PLAGL1: variants seen among roughly 807,000 people sequenced by gnomAD.
The protein encoded by PLAGL1 is PLAG1 like zinc finger 1.
A neutral mutation model predicts 4.6 loss-of-function variants in PLAGL1; 1 was observed. The ratio of observed to expected loss-of-function variants is 0.22; its 90% CI spans 0.08 to 1.03. The LOEUF (loss-of-function observed/expected upper bound fraction) is 1.03. PLAGL1 is among the 50% of genes least tolerant of loss of function. PLAGL1 has a pLI of 0.58. For missense variants in PLAGL1, 464 were observed against 570.4 expected (o/e 0.81, Z 1.90); for synonymous variants, 240 against 237.8 (o/e 1.01, Z -0.08).
chr6:144,017,215 G>A (rs549732719), intron 1 of PLAGL1, among the ~76,000 whole-genome samples: 120 of 151,552 alleles, frequency 7.9e-4, no homozygotes, highest in Non-Finnish European at 1.5e-3. Context: ...TTTTTAAAGC[G>A]CATCGCTTCT....
chr6:144,031,781 T>C (rs960522262), intron 1 of PLAGL1, among the ~76,000 whole-genome samples: 2 of 152,210 alleles, frequency 1.3e-5, no homozygotes, highest in African/African-American at 2.4e-5. Context: ...CGTTGGGTAA[T>C]GTGATGTCTC....
rs754196674 is a variant in PLAGL1 at position 143,955,054 on chromosome 6, T to C, written c.-325+5415A>G. Among the ~76,000 whole-genome samples the C allele has an allele frequency of 1.3e-5, 2 of 152,184 alleles. No individual in the cohort carries two copies. The highest frequency in any genetic ancestry group is 4.8e-5 in the African/African-American group (2 of 41,442). Reference sequence around the variant, plus strand: ...AAAGATGTGTTTCCTCAGGAATGAATGGACAGAATACAATTACATTGCTCT... The same window carrying C: ...AAAGATGTGTTTCCTCAGGAATGAACGGACAGAATACAATTACATTGCTCT... On this transcript the variant is annotated intron_variant, in intron 6 of 7. Transcript: ENST00000674357. This position sits in a 1 kb window ranked among gnomAD's most constrained non-coding sequence, Gnocchi z 4.9.
Position 143,949,081 on chromosome 6 carries a change from A to G in PLAGL1, c.-324-621T>C, listed in dbSNP as rs1780453994. Among the ~76,000 whole-genome samples, 1 of 152,228 alleles carries G rather than the reference A, an allele frequency of 6.6e-6. No individual in the cohort carries two copies. Reference sequence around the variant, plus strand: ...GGTGGCACAAAGCTGATAGCTCAGGAACCAGCCCAGGCCACGTTCAGATTT... The same window carrying G: ...GGTGGCACAAAGCTGATAGCTCAGGGACCAGCCCAGGCCACGTTCAGATTT... On this transcript the variant is annotated intron_variant, in intron 6 of 7. Transcript: ENST00000674357. This position sits in a 1 kb window ranked among gnomAD's most constrained non-coding sequence, Gnocchi z 5.3.
rs1295541430 is a variant in PLAGL1 at position 143,940,440 on chromosome 6, A to ATAGT, written c.*980_*983dup. 6.6e-6 allele frequency: 1 copy of ATAGT among 152,260 alleles called. No individual in the cohort carries two copies. Among genetic ancestry groups the ATAGT allele is most frequent in the Non-Finnish European group, 1.5e-5 (1 of 68,040 alleles). 9.4% of individuals were successfully genotyped at this position (152,260 alleles called of 1,614,324 possible). A position where few individuals can be genotyped will look rare whatever the true frequency, so the allele number is the denominator to read the frequency against. On this transcript the variant is annotated 3_prime_UTR_variant, in exon 8 of 8. Coordinates refer to ENST00000674357, the MANE Select transcript of PLAGL1 (RefSeq NM_001317162.2). ...AATAAGATACCAAATTCAAGAGATT[A>ATAGT]TAGTTACATTGTAAAACGTAATCTT...
In PLAGL1 at chr6:143,948,431, C is replaced by A; in HGVS notation, c.-295G>T. The stretch of plus-strand genomic sequence containing the variant: ...AGAAAGGTAATCTGCATCACTATAG[C>A]TGGGGCATGTCCTGGGTCCCCCGGA... On this transcript the variant is annotated 5_prime_UTR_variant, in exon 7 of 8. Coordinates refer to ENST00000674357, the MANE Select transcript of PLAGL1 (RefSeq NM_001317162.2). The surrounding 1 kb of genome is among the most constrained non-coding windows in gnomAD (Gnocchi z 6.0). 3.1e-6 allele frequency: 1 copy of A among 322,208 alleles called. No homozygotes were observed. Among genetic ancestry groups the A allele is most frequent in the Non-Finnish European group, 5.9e-6 (1 of 169,548 alleles). 20.0% of individuals were successfully genotyped at this position (322,208 alleles called of 1,614,324 possible).
chr6:144,013,430 T>A lies in PLAGL1; in HGVS notation c.-150-44452A>T, dbSNP rs9403544. Among the ~76,000 whole-genome samples the A allele has an allele frequency of 9.9e-5, 15 of 152,112 alleles. No homozygotes were observed. The highest frequency in any genetic ancestry group is 6.5e-5 in the Admixed American group (1 of 15,282). ...CAACTACACCCCATCCTGAAAAAAA[T>A]GACAACTAGGAATGGAATGGAACTT... On this transcript the variant is annotated intron_variant, in intron 1 of 3. Coordinates refer to the PLAGL1 transcript ENST00000437412. This position sits in a 1 kb window ranked among gnomAD's most constrained non-coding sequence, Gnocchi z 4.4.
Position 144,030,240 on chromosome 6 carries a change from G to A in PLAGL1, c.-151+34228C>T, listed in dbSNP as rs549281097. Reference sequence around the variant, plus strand: ...ACTGCACTCCAGCCTGGGTGACAGAGCGAGACTCCGTCTCAAAAAAAAAAA... The same window carrying A: ...ACTGCACTCCAGCCTGGGTGACAGAACGAGACTCCGTCTCAAAAAAAAAAA... On this transcript the variant is annotated intron_variant, in intron 1 of 3. Coordinates refer to the PLAGL1 transcript ENST00000437412. 6.5e-5 allele frequency among the ~76,000 whole-genome samples: 7 copies of A among 108,250 alleles called. No individual in the cohort carries two copies. The South Asian group carries it at 2.3e-3, about 36-fold the overall frequency. The allele number at this position is 108,250 out of a possible 152,430, so 71.0% of individuals were successfully genotyped here. A position where few individuals can be genotyped will look rare whatever the true frequency, so the allele number is the denominator to read the frequency against.
Position 143,955,592 on chromosome 6 carries a change from C to T in PLAGL1, c.-325+4877G>A, listed in dbSNP as rs1453503084. The stretch of plus-strand genomic sequence containing the variant: ...GAAAGCCTCAGCCTGTGATTGTGAG[C>T]CTCAAAGGGCCACAGAAAACTGACA... On this transcript the variant is annotated intron_variant, in intron 6 of 7. Transcript: ENST00000674357. The surrounding 1 kb of genome is among the most constrained non-coding windows in gnomAD (Gnocchi z 4.9). Among the ~76,000 whole-genome samples, 3 of 151,962 alleles carry T rather than the reference C, an allele frequency of 2.0e-5. No individual in the cohort carries two copies. Among genetic ancestry groups the T allele is most frequent in the Non-Finnish European group, 2.9e-5 (2 of 68,000 alleles).
chr6:144,028,356 A>G (rs1285848013), intron 1 of PLAGL1, among the ~76,000 whole-genome samples: 1 of 152,198 alleles, frequency 6.6e-6, no homozygotes, highest in Admixed American at 6.5e-5. Flanking sequence ...ATTTGTCAAA[A>G]TTCAAGCTGT....
At chr6:143,946,223 C>T (rs1024308460) in intron 7 of PLAGL1, among the ~76,000 whole-genome samples, 25 of 152,212 alleles carry the variant, frequency 1.6e-4, no homozygotes, top group South Asian at 8.3e-4. Context: ...TAAGCGGACC[C>T]GTGCAGCTCA....
rs1795479824 is a variant in PLAGL1 at position 144,015,073 on chromosome 6, G to A, written c.-150-46095C>T. On this transcript the variant is annotated intron_variant, in intron 1 of 3. Coordinates refer to the PLAGL1 transcript ENST00000437412. The surrounding 1 kb of genome is among the most constrained non-coding windows in gnomAD (Gnocchi z 4.3). ...ACTATAAAACTTCTGGAATCACCTTGTTCAATACAGTACCCATAAGCCATG... is the reference window on the plus strand; with the variant it reads ...ACTATAAAACTTCTGGAATCACCTTATTCAATACAGTACCCATAAGCCATG... 1.3e-5 allele frequency among the ~76,000 whole-genome samples: 2 copies of A among 152,152 alleles called. No individual in the cohort carries two copies. The highest frequency in any genetic ancestry group is 4.1e-4 in the South Asian group (2 of 4,828).
At chr6:144,046,589 TGAGGTGTTAGTTGGCCCCTACTGG>T (rs1798168627) in intron 1 of PLAGL1, among the ~76,000 whole-genome samples, 1 of 152,104 alleles carries the variant, frequency 6.6e-6, no homozygotes, top group African/African-American at 2.4e-5. Context: ...CCTGGCTAAA[TGAGGTGTTAGTTGGCCCCTACTGG>T]GAGGTGTCTC....
chr6:143,987,530 C>T (rs1789499181), intron 1 of PLAGL1, among the ~76,000 whole-genome samples: 1 of 147,286 alleles, frequency 6.8e-6, no homozygotes, highest in Non-Finnish European at 1.5e-5. Flanking sequence ...ATTCTCCCAC[C>T]TTGGCCTCCC....
chr6:144,048,998 GA>G lies in PLAGL1; in HGVS notation c.-151+15469del, dbSNP rs1234353752. 1.3e-5 allele frequency among the ~76,000 whole-genome samples: 2 copies of G among 152,318 alleles called. No homozygotes were observed. The highest frequency in any genetic ancestry group is 3.9e-4 in the East Asian group (2 of 5,186). On this transcript the variant is annotated intron_variant, in intron 1 of 3. Coordinates refer to the PLAGL1 transcript ENST00000437412. This position sits in a 1 kb window ranked among gnomAD's most constrained non-coding sequence, Gnocchi z 4.8. ...TTCAAAATCAACCAGGTCACCTCTT[GA>G]ATGCTTTGCTGCTTAGAAATTTCTT...
rs764393369 is a variant in PLAGL1, at chr6:143,990,119, AT to A, written c.-583-4946del. On this transcript the variant is annotated intron_variant, in intron 1 of 7. Transcript: ENST00000674357. The surrounding 1 kb of genome is among the most constrained non-coding windows in gnomAD (Gnocchi z 5.4). ...ACATACTATGCTCTGATATTCCCCAATTTTTTTTTTTTTCTTTTTTGAGATG... is the reference window on the plus strand; with the variant it reads ...ACATACTATGCTCTGATATTCCCCAATTTTTTTTTTTTCTTTTTTGAGATG... Among the ~76,000 whole-genome samples, 2,378 of 144,396 alleles carry A rather than the reference AT, an allele frequency of 0.016. 74 individuals are homozygous for A. The highest frequency in any genetic ancestry group is 0.14 in the East Asian group (719 of 4,998). The allele number at this position is 144,396 out of a possible 152,430, so 94.7% of individuals were successfully genotyped here.
At chr6:144,043,248 G>A (rs893200545) in intron 1 of PLAGL1, among the ~76,000 whole-genome samples, 1 of 152,186 alleles carries the variant, frequency 6.6e-6, no homozygotes, top group Non-Finnish European at 1.5e-5. Flanking sequence ...TCCCTGTCTT[G>A]TGCCAGTATT....
chr6:143,941,628 A>AT lies in PLAGL1; in HGVS notation c.1187dup (p.Asn396LysfsTer6). ...GGGCAAGAGTGCTATTCCCAAAGGT[A>AT]TTTTGGGTAGCAGGAGGGGGCAGCT... is the stretch of plus-strand genomic sequence containing the variant. On this transcript the variant is annotated frameshift_variant, in exon 8 of 8. Coordinates refer to ENST00000674357, the MANE Select transcript of PLAGL1 (RefSeq NM_001317162.2). LOFTEE classifies it low-confidence loss of function (END_TRUNC). The surrounding 1 kb of genome is among the most constrained non-coding windows in gnomAD (Gnocchi z 6.0). 1 of 1,613,980 alleles carries AT rather than the reference A, an allele frequency of 6.2e-7. No homozygotes were observed. The highest frequency in any genetic ancestry group is 1.1e-5 in the South Asian group (1 of 91,080).
rs1049918767 is a variant in PLAGL1, at chr6:144,048,940, C to T, written c.-151+15528G>A. Reference sequence around the variant, plus strand: ...TTTAAATCCAAATTCCAATTTCAAACCATCTCTTTGTGAATGCATAAGATT... The same window carrying T: ...TTTAAATCCAAATTCCAATTTCAAATCATCTCTTTGTGAATGCATAAGATT... On this transcript the variant is annotated intron_variant, in intron 1 of 3. Transcript: ENST00000437412. The surrounding 1 kb of genome is among the most constrained non-coding windows in gnomAD (Gnocchi z 4.8). Among the ~76,000 whole-genome samples the T allele has an allele frequency of 6.6e-6, 1 of 152,216 alleles. No individual in the cohort carries two copies. Among genetic ancestry groups the T allele is most frequent in the African/African-American group, 2.4e-5 (1 of 41,444 alleles).
At chr6:144,001,189 A>T (rs1424541160) in intron 1 of PLAGL1, among the ~76,000 whole-genome samples, 1 of 151,886 alleles carries the variant, frequency 6.6e-6, no homozygotes, top group Non-Finnish European at 1.5e-5. Context: ...AAAAAAAAAT[A>T]AAAATTTTTA....
Sources: allele counts gnomAD v4.1 joint callset (sites outside exome capture counted in the v4.1 genomes callset), GRCh38; gene constraint gnomAD v4.1.1; non-coding constraint Gnocchi (gnomAD v3.1); transcripts MANE v1.5; gene names NCBI Gene and HGNC (gene_info 2026-07-23, HGNC 2026-07-21).